ASAP2: variants seen among roughly 807,000 people sequenced by gnomAD.
The protein encoded by ASAP2 is ArfGAP with SH3 domain, ankyrin repeat and PH domain 2, also known as arf-GAP with SH3 domain, ANK repeat and PH domain-containing protein 2.
In ASAP2, 45 loss-of-function variants were observed where a neutral mutation model predicts 131.4. That is an observed-to-expected ratio of 0.34 (90% CI 0.27 to 0.44). The LOEUF is 0.44. Among genes scored for constraint, ASAP2 ranks in the 20% least tolerant of loss-of-function variants. The pLI, the probability that ASAP2 is intolerant of heterozygous loss-of-function variation, is 1.00. For missense variants in ASAP2, 1,011 were observed against 1,297.0 expected (o/e 0.78, Z 3.39); for synonymous variants, 510 against 503.0 (o/e 1.01, Z -0.19).
intron 1 of ASAP2, among the ~76,000 whole-genome samples, chr2:9,212,046 C>T (rs75892964): frequency 1.3e-5 from 2 of 151,962 alleles, no homozygotes; most frequent in Non-Finnish European, 2.9e-5. Flanking sequence ...TCCCTGCCCC[C>T]TGGTGAATGC....
intron 1 of ASAP2, among the ~76,000 whole-genome samples, chr2:9,247,901 C>A (rs905802427): frequency 1.3e-5 from 2 of 152,200 alleles, no homozygotes; most frequent in African/African-American, 4.8e-5. Flanking sequence ...TCCTCTGCCC[C>A]CCACACTGAT....
chr2:9,370,469 A>C (rs1427925683), intron 16 of ASAP2, among the ~76,000 whole-genome samples: 4 of 152,304 alleles, frequency 2.6e-5, no homozygotes, highest in Middle Eastern at 3.4e-3. Context: ...TGAGGATCTA[A>C]GTTTCAAATC....
chr2:9,284,863 A>G (rs1667368400), intron 2 of ASAP2, among the ~76,000 whole-genome samples: 1 of 152,208 alleles, frequency 6.6e-6, no homozygotes, highest in African/African-American at 2.4e-5. Context: ...CCTGTATTCT[A>G]TTCTTTGAGG....
At chr2:9,328,102 C>T (rs1257708771) in intron 7 of ASAP2, among the ~76,000 whole-genome samples, 191 bp downstream of exon 7, 2 of 152,084 alleles carry the variant, frequency 1.3e-5, no homozygotes, top group African/African-American at 4.8e-5. Flanking sequence ...ACACAAGAGG[C>T]CATGTACTGT....
intron 25 of ASAP2, among the ~76,000 whole-genome samples, 159 bp downstream of exon 25, chr2:9,400,231 C>CT (rs1207116448): frequency 9.7e-5 from 6 of 61,548 alleles, no homozygotes; most frequent in African/African-American, 2.1e-4. Flanking sequence ...CCCTCCTGCC[C>CT]CCTCCCCTCC....
At chr2:9,355,690 A>G (rs1672654446) in intron 12 of ASAP2, among the ~76,000 whole-genome samples, 1 of 152,208 alleles carries the variant, frequency 6.6e-6, no homozygotes, top group African/African-American at 2.4e-5. Flanking sequence ...TTTTTAAAAA[A>G]GGTTTTTATT....
At chr2:9,271,748 A>G (rs1666417555) in intron 1 of ASAP2, 3 of 410,182 alleles carry the variant, frequency 7.3e-6, no homozygotes, top group Non-Finnish European at 1.3e-5. Flanking sequence ...GCAGTGGCTC[A>G]GTGACTGGGG....
intron 16 of ASAP2, among the ~76,000 whole-genome samples, chr2:9,371,775 A>T (rs1362251037): frequency 6.6e-6 from 1 of 152,158 alleles, no homozygotes; most frequent in Non-Finnish European, 1.5e-5. Context: ...TCTGAACACC[A>T]AATGTATCAT....
intron 1 of ASAP2, among the ~76,000 whole-genome samples, chr2:9,254,209 A>AAAAAAAC: frequency 4.6e-5 from 1 of 21,926 alleles, no homozygotes; most frequent in African/African-American, 2.6e-4. Flanking sequence ...AGACTGTCTC[A>AAAAAAAC]AAAAAAAAAA....
intron 4 of ASAP2, 79 bp from the exon 5 acceptor site, chr2:9,320,209 C>A: frequency 8.5e-7 from 1 of 1,175,696 alleles, no homozygotes; most frequent in Non-Finnish European, 1.3e-6. Context: ...CCTTTCAGGG[C>A]TAGTACAGGG....
At chr2:9,262,860 G>T (rs578147520) in intron 1 of ASAP2, among the ~76,000 whole-genome samples, 1 of 152,206 alleles carries the variant, frequency 6.6e-6, no homozygotes, top group Non-Finnish European at 1.5e-5. Context: ...AAAGTCCTCA[G>T]TCTCTTTCAC....
At chr2:9,240,926 G>A (rs1037965630) in intron 1 of ASAP2, among the ~76,000 whole-genome samples, 2 of 152,224 alleles carry the variant, frequency 1.3e-5, no homozygotes, top group African/African-American at 2.4e-5. Context: ...GGTGACTCAT[G>A]GGCAGGTAGC....
At chr2:9,382,574 T>G (rs527582899) in intron 20 of ASAP2, among the ~76,000 whole-genome samples, 18 of 152,340 alleles carry the variant, frequency 1.2e-4, no homozygotes, top group African/African-American at 4.3e-4. Context: ...TCATCCTGGT[T>G]GAAAAGGCTG....
chr2:9,294,437 C>T (rs76635501), intron 2 of ASAP2, among the ~76,000 whole-genome samples: 1 of 152,068 alleles, frequency 6.6e-6, no homozygotes, highest in Non-Finnish European at 1.5e-5. Context: ...AAGGCCGGCT[C>T]CTCTCTCCTA....
intron 17 of ASAP2, 74 bp from the exon 18 acceptor site, chr2:9,376,834 C>A: frequency 7.5e-7 from 1 of 1,337,894 alleles, no homozygotes; most frequent in Non-Finnish European, 1.1e-6. Context: ...GAGTTGTACA[C>A]GATTTCACCG....
In ASAP2 at chr2:9,405,634, T is replaced by A. The variant is rs2148852541; in HGVS notation, c.*2307T>A. On this transcript the variant is annotated 3_prime_UTR_variant, in exon 28 of 28. Transcript: ENST00000281419. The stretch of plus-strand genomic sequence containing the variant: ...TGTTTAATAAGTTTACTCTTCTTGT[T>A]AACTAGTCATTTGACTGGAAAAAAA... 6.5e-6 allele frequency: 1 copy of A among 152,778 alleles called. No homozygotes were observed. Among genetic ancestry groups the A allele is most frequent in the South Asian group, 2.1e-4 (1 of 4,826 alleles). 9.5% of individuals were successfully genotyped at this position (152,778 alleles called of 1,614,324 possible). A position where few individuals can be genotyped will look rare whatever the true frequency, so the allele number is the denominator to read the frequency against.
chr2:9,398,044 C>T (rs143328114), intron 24 of ASAP2, among the ~76,000 whole-genome samples: 6,392 of 151,696 alleles, frequency 0.042, 452 homozygotes, highest in African/African-American at 0.14. Flanking sequence ...AGGCGTGAGC[C>T]ACTGCGCCCG....
At chr2:9,333,979 A>G (rs543224293) in intron 7 of ASAP2, among the ~76,000 whole-genome samples, 16 of 151,076 alleles carry the variant, frequency 1.1e-4, no homozygotes, top group African/African-American at 3.7e-4. Context: ...GTGGCCACCA[A>G]AGCTGCTTGG....
intron 15 of ASAP2, among the ~76,000 whole-genome samples, chr2:9,366,861 A>G (rs1232640650): frequency 6.6e-6 from 1 of 152,044 alleles, no homozygotes; most frequent in East Asian, 1.9e-4. Flanking sequence ...CCACTAGCCC[A>G]CTAGCCCATT....
Sources: gnomAD v4.1 joint callset for allele counts (sites outside exome capture counted in the v4.1 genomes callset) on GRCh38, gnomAD v4.1.1 for gene constraint, MANE v1.5 for transcripts, NCBI Gene and HGNC (gene_info 2026-07-23, HGNC 2026-07-21) for gene names.